TAF3: variants seen among roughly 807,000 people sequenced by gnomAD.
TAF3 encodes the protein TATA-box binding protein associated factor 3, also known as transcription initiation factor TFIID subunit 3.
TAF3 carries 7 observed loss-of-function variants against 80.6 expected under a neutral mutation model. That is an observed-to-expected ratio of 0.09 (90% CI 0.05 to 0.16). The LOEUF is 0.16. Among genes scored for constraint, TAF3 ranks in the 10% least tolerant of loss-of-function variants. TAF3 has a pLI of 1.00. For synonymous variants in TAF3, 444 were observed against 446.1 expected (o/e 1.00, Z 0.06); for missense variants, 921 against 1,140.2 (o/e 0.81, Z 2.77).
At chr10:7,819,127 C>T (rs1188436554) in intron 1 of TAF3, among the ~76,000 whole-genome samples, 4 of 152,106 alleles carry the variant, frequency 2.6e-5, no homozygotes, top group African/African-American at 7.2e-5. Flanking sequence ...AGCTCCACAC[C>T]CTCCTACCGC....
intron 4 of TAF3, among the ~76,000 whole-genome samples, chr10:8,002,546 T>C (rs532669877): frequency 1.3e-5 from 2 of 152,328 alleles, no homozygotes; most frequent in East Asian, 1.9e-4. Context: ...GAACTACTGA[T>C]AGAGCAGGGG....
intron 4 of TAF3, among the ~76,000 whole-genome samples, chr10:8,002,698 G>A (rs1444674654): frequency 1.3e-5 from 2 of 152,108 alleles, no homozygotes; most frequent in Admixed American, 1.3e-4. Context: ...TGTCCATAGA[G>A]TCAATTTCAT....
intron 2 of TAF3, among the ~76,000 whole-genome samples, chr10:7,846,284 T>G (rs1417994566): frequency 6.6e-6 from 1 of 152,212 alleles, no homozygotes; most frequent in Non-Finnish European, 1.5e-5. Flanking sequence ...AAAAATAGTT[T>G]TTGATAAAAT....
In TAF3 at chr10:8,015,561, T is replaced by C. The variant is rs1832095915; in HGVS notation, c.*810T>C. 1.3e-5 allele frequency: 2 copies of C among 152,146 alleles called. No individual in the cohort carries two copies. Among genetic ancestry groups the C allele is most frequent in the Non-Finnish European group, 2.9e-5 (2 of 68,030 alleles). 9.4% of individuals were successfully genotyped at this position (152,146 alleles called of 1,614,324 possible). A position where few individuals can be genotyped will look rare whatever the true frequency, so the allele number is the denominator to read the frequency against. On this transcript the variant is annotated 3_prime_UTR_variant, in exon 7 of 7. Coordinates refer to ENST00000344293, the MANE Select transcript of TAF3 (RefSeq NM_031923.4). ...ATGAAGTAGTTATTTTTTAAATTTTTATCGTGTTTAATTCTGGCTTTCTCT... is the reference window on the plus strand; with the variant it reads ...ATGAAGTAGTTATTTTTTAAATTTTCATCGTGTTTAATTCTGGCTTTCTCT...
At chr10:7,844,223 C>G (rs1408872238) in intron 2 of TAF3, among the ~76,000 whole-genome samples, 1 of 151,986 alleles carries the variant, frequency 6.6e-6, no homozygotes, top group African/African-American at 2.4e-5. Context: ...TGTAGATTTT[C>G]TATTCAGAAA....
chr10:7,897,452 A>G (rs1837515287), intron 2 of TAF3, among the ~76,000 whole-genome samples: 1 of 152,156 alleles, frequency 6.6e-6, no homozygotes, highest in Non-Finnish European at 1.5e-5. Context: ...TTTTCTCTCT[A>G]GCAAATTTAG....
At chr10:7,865,322 A>T (rs904115350) in intron 2 of TAF3, among the ~76,000 whole-genome samples, 1 of 152,132 alleles carries the variant, frequency 6.6e-6, no homozygotes, top group Non-Finnish European at 1.5e-5. Flanking sequence ...ACTAAAAAAT[A>T]CAAAAAATTA....
chr10:7,866,021 C>T (rs1354161540), intron 2 of TAF3, among the ~76,000 whole-genome samples: 1 of 152,188 alleles, frequency 6.6e-6, no homozygotes, highest in East Asian at 1.9e-4. Flanking sequence ...TCCTGTAGCT[C>T]TTTCCTGTTG....
At chr10:7,959,352 C>T (rs1370689672) in intron 2 of TAF3, among the ~76,000 whole-genome samples, 4 of 152,082 alleles carry the variant, frequency 2.6e-5, no homozygotes, top group Non-Finnish European at 5.9e-5. Context: ...TTTAAGTATT[C>T]CTAAAACCAA....
intron 4 of TAF3, among the ~76,000 whole-genome samples, chr10:7,999,053 A>T (rs1831917966): frequency 6.6e-6 from 1 of 152,152 alleles, no homozygotes; most frequent in Admixed American, 6.6e-5. Context: ...TGTGTTGGCA[A>T]ACAGAAATCT....
intron 2 of TAF3, among the ~76,000 whole-genome samples, chr10:7,913,100 G>A (rs557474115): frequency 9.2e-5 from 14 of 152,200 alleles, no homozygotes; most frequent in African/African-American, 2.4e-4. Context: ...CCGCACACAC[G>A]CCCGTGATGT....
Position 7,892,584 on chromosome 10 carries a change from A to G in TAF3, c.409+68024A>G, listed in dbSNP as rs183804275. ...ATAGTAAATCTTAAACTGGTAAAAT[A>G]GAATATATTGTCAAATTATAAAATG... is the stretch of plus-strand genomic sequence containing the variant. On this transcript the variant is annotated intron_variant, in intron 2 of 6. Transcript: ENST00000344293. 2.0e-5 allele frequency among the ~76,000 whole-genome samples: 3 copies of G among 152,332 alleles called. No homozygotes were observed. The East Asian group carries it at 5.8e-4, about 29-fold the overall frequency.
At chr10:7,866,317 TAAG>T (rs531256019) in intron 2 of TAF3, among the ~76,000 whole-genome samples, 53 of 152,176 alleles carry the variant, frequency 3.5e-4, no homozygotes, top group African/African-American at 1.2e-3. Flanking sequence ...ATCATCCAAA[TAAG>T]AAGATGAGAG....
chr10:7,950,284 G>A (rs915662205), intron 2 of TAF3, among the ~76,000 whole-genome samples: 71 of 152,318 alleles, frequency 4.7e-4, no homozygotes, highest in African/African-American at 1.7e-3. Context: ...AATATAGAAC[G>A]ACCCAGGGAA....
chr10:7,935,644 G>A (rs917080169), intron 2 of TAF3, among the ~76,000 whole-genome samples: 23 of 152,108 alleles, frequency 1.5e-4, no homozygotes, highest in Non-Finnish European at 3.1e-4. Context: ...AGAATACTGG[G>A]GGGTTCATAT....
At chr10:7,824,632 C>A in intron 2 of TAF3, 72 bp downstream of exon 2, 1 of 1,494,282 alleles carries the variant, frequency 6.7e-7, no homozygotes. Flanking sequence ...GCTTTCCATG[C>A]TATGTCAACT....
chr10:7,878,130 C>A (rs1273701584), intron 2 of TAF3, among the ~76,000 whole-genome samples: 3 of 152,092 alleles, frequency 2.0e-5, no homozygotes, highest in Non-Finnish European at 4.4e-5. Flanking sequence ...ATTTTTAAAA[C>A]AATACATTTA....
chr10:7,930,285 G>T (rs1837856173), intron 2 of TAF3, among the ~76,000 whole-genome samples: 1 of 152,186 alleles, frequency 6.6e-6, no homozygotes, highest in Admixed American at 6.5e-5. Context: ...TAAGAGGTGG[G>T]TGGGTAGAAA....
chr10:7,866,567 G>A (rs1837216860), intron 2 of TAF3, among the ~76,000 whole-genome samples: 1 of 152,222 alleles, frequency 6.6e-6, no homozygotes, highest in African/African-American at 2.4e-5. Context: ...AGGCCAACAT[G>A]CCTAGAATCT....
Sources: gnomAD v4.1 joint callset for allele counts (sites outside exome capture counted in the v4.1 genomes callset) on GRCh38, gnomAD v4.1.1 for gene constraint, MANE v1.5 for transcripts, NCBI Gene and HGNC (gene_info 2026-07-23, HGNC 2026-07-21) for gene names.